EFR3A: variants seen among roughly 807,000 people sequenced by gnomAD.
EFR3A encodes protein EFR3 homolog A.
In EFR3A, 76 loss-of-function variants were observed where a neutral mutation model predicts 104.4. That is an observed-to-expected ratio of 0.73 (90% CI 0.60 to 0.88). The LOEUF is 0.88. Ranked by LOEUF, EFR3A falls within the 40% of genes least tolerant of loss-of-function variation. EFR3A has a pLI of 0.00. For synonymous variants in EFR3A, 330 were observed against 330.0 expected (o/e 1.00, Z 0.00); for missense variants, 985 against 1,012.5 (o/e 0.97, Z 0.37).
chr8:131,986,310 C>A (rs1820878162), intron 17 of EFR3A, 49 bp downstream of exon 17: 1 of 919,756 alleles, frequency 1.1e-6, no homozygotes, highest in Admixed American at 2.4e-5. Flanking sequence ...CTTGATAAAC[C>A]CATCAGTAAT....
chr8:131,965,540 T>A (rs1462322339), intron 8 of EFR3A, among the ~76,000 whole-genome samples: 2 of 152,146 alleles, frequency 1.3e-5, no homozygotes, highest in East Asian at 3.9e-4. Context: ...AGAATGGCAA[T>A]CATTAAAAAG....
rs534119976 is a variant in EFR3A at position 131,981,779 on chromosome 8, AG to A, written c.1576-2356del. Among the ~76,000 whole-genome samples the A allele has an allele frequency of 6.6e-5, 10 of 152,200 alleles. No individual in the cohort carries two copies. The South Asian group carries it at 2.1e-3, about 32-fold the overall frequency. On this transcript the variant is annotated intron_variant, in intron 14 of 22. Transcript: ENST00000254624. ...TAAAACTACTCCATCTGAATGTTTT[AG>A]GGGCATCTTATATACGGAGTCTGTT...
At chr8:131,929,469 A>T (rs1817476181) in intron 1 of EFR3A, among the ~76,000 whole-genome samples, 1 of 152,082 alleles carries the variant, frequency 6.6e-6, no homozygotes, top group African/African-American at 2.4e-5. Flanking sequence ...TTTCTTCAAG[A>T]CTTAATTTAG....
intron 1 of EFR3A, chr8:131,935,571 TGA>T (rs68090127): frequency 0.052 from 21,986 of 419,928 alleles, 1,213 homozygotes; most frequent in African/African-American, 0.15. Context: ...GAGAATTAAA[TGA>T]GAGAATTGCT....
intron 19 of EFR3A, chr8:132,001,050 C>A (rs1821760226): frequency 1.3e-5 from 2 of 152,164 alleles, no homozygotes; most frequent in Admixed American, 1.3e-4. Context: ...ACTATAGGAA[C>A]TGGATATATT....
chr8:131,996,348 A>G (rs375562828), intron 18 of EFR3A, 58 bp from the exon 19 acceptor site: 46 of 1,084,738 alleles, frequency 4.2e-5, no homozygotes, highest in African/African-American at 3.6e-4. Context: ...AGAGTTTATA[A>G]ATGAAAACCA....
At chr8:131,993,313 C>G (rs887920578) in intron 18 of EFR3A, among the ~76,000 whole-genome samples, 1 of 152,148 alleles carries the variant, frequency 6.6e-6, no homozygotes, top group Non-Finnish European at 1.5e-5. Flanking sequence ...GGAATCCAAG[C>G]TAATGGAGCT....
chr8:131,940,365 A>G, intron 1 of EFR3A, 134 bp from the exon 2 acceptor site: 1 of 829,908 alleles, frequency 1.2e-6, no homozygotes, highest in Admixed American at 2.8e-5. Flanking sequence ...CACTGATTAC[A>G]TTTGTATGTC....
At chr8:131,916,414 T>G (rs1237646558) in intron 1 of EFR3A, among the ~76,000 whole-genome samples, 1 of 152,124 alleles carries the variant, frequency 6.6e-6, no homozygotes, top group Non-Finnish European at 1.5e-5. Context: ...ATCATATGGG[T>G]GAATGGTTCT....
intron 8 of EFR3A, among the ~76,000 whole-genome samples, chr8:131,962,885 C>A (rs537519559): frequency 6.6e-6 from 1 of 152,312 alleles, no homozygotes; most frequent in Admixed American, 6.5e-5. Context: ...GACCACAATG[C>A]AATCAAAGTA....
chr8:131,961,909 AT>A (rs1402270179), intron 8 of EFR3A, among the ~76,000 whole-genome samples: 3 of 152,202 alleles, frequency 2.0e-5, no homozygotes, highest in Non-Finnish European at 4.4e-5. Context: ...AATATTCAAC[AT>A]TCTTAAAGAA....
rs535354602 is a variant in EFR3A, at chr8:131,929,430, A to G, written c.11-11069A>G. On this transcript the variant is annotated intron_variant, in intron 1 of 22. Transcript: ENST00000254624. The stretch of plus-strand genomic sequence containing the variant: ...TGGCTCCCTTTGCCTGGGAATAATA[A>G]TCCTCTCCTCTTTGCCTAATTTCTA... Among the ~76,000 whole-genome samples the G allele has an allele frequency of 2.3e-4, 35 of 152,238 alleles. No individual in the cohort carries two copies. The South Asian group carries it at 7.3e-3, about 32-fold the overall frequency.
intron 1 of EFR3A, among the ~76,000 whole-genome samples, chr8:131,921,595 A>T (rs1249397736): frequency 6.6e-6 from 1 of 152,238 alleles, no homozygotes; most frequent in Non-Finnish European, 1.5e-5. Flanking sequence ...ACTTTGATGT[A>T]AATTAATGGT....
intron 18 of EFR3A, among the ~76,000 whole-genome samples, chr8:131,994,278 G>A (rs1821365374): frequency 6.6e-6 from 1 of 151,898 alleles, no homozygotes; most frequent in Non-Finnish European, 1.5e-5. Flanking sequence ...GAAAGATGAA[G>A]TGTTGCCACA....
chr8:131,904,173 C>G lies in EFR3A; in HGVS notation c.-140C>G. On this transcript the variant is annotated 5_prime_UTR_variant, in exon 1 of 23. Transcript: ENST00000254624. ...GGTTGCGTGACCGCGGGGTCCGCGT[C>G]CGCTCCCTCCACCCTTCGCCCTTCG... 2 of 1,007,118 alleles carry G rather than the reference C, an allele frequency of 2.0e-6. No homozygotes were observed. 62.4% of individuals were successfully genotyped at this position (1,007,118 alleles called of 1,614,324 possible). A position where few individuals can be genotyped will look rare whatever the true frequency, so the allele number is the denominator to read the frequency against.
At chr8:131,954,004 T>C (rs1289819427) in intron 6 of EFR3A, 37 bp downstream of exon 6, 1 of 1,475,678 alleles carries the variant, frequency 6.8e-7, no homozygotes. Flanking sequence ...ACAGTGTTAC[T>C]TTTATATATA....
At position 131,997,150 on chromosome 8, in the gene EFR3A, T is replaced by A. The variant is rs16904568; in HGVS notation, c.2157+653T>A. ...AGCAGCCAGTATTCTCTAGGACTTA[T>A]TCTACACAAATCACCAGAGAATTTT... On this transcript the variant is annotated intron_variant, in intron 19 of 22. Transcript: ENST00000254624. 2.0e-4 allele frequency among the ~76,000 whole-genome samples: 30 copies of A among 152,158 alleles called. No individual in the cohort carries two copies. In the South Asian group the frequency reaches 4.1e-3, roughly 21 times the overall value.
intron 1 of EFR3A, among the ~76,000 whole-genome samples, chr8:131,926,868 C>G: frequency 6.6e-6 from 1 of 152,080 alleles, no homozygotes; most frequent in Non-Finnish European, 1.5e-5. Context: ...TTTATTATAG[C>G]ATTTTGACTA....
intron 1 of EFR3A, among the ~76,000 whole-genome samples, chr8:131,918,939 C>T (rs1277452631): frequency 1.3e-5 from 2 of 152,210 alleles, no homozygotes; most frequent in East Asian, 1.9e-4. Flanking sequence ...CTCAAACCAA[C>T]TTGGTTAGCT....
Sources: allele counts gnomAD v4.1 joint callset (sites outside exome capture counted in the v4.1 genomes callset), GRCh38; gene constraint gnomAD v4.1.1; transcripts MANE v1.5; gene names NCBI Gene and HGNC (gene_info 2026-07-23, HGNC 2026-07-21).